RBMS1: variants seen among roughly 807,000 people sequenced by gnomAD.
The protein encoded by RBMS1 is RNA-binding motif, single-stranded-interacting protein 1.
RBMS1 carries 17 observed loss-of-function variants against 62.3 expected under a neutral mutation model. That is an observed-to-expected ratio of 0.27 (90% CI 0.19 to 0.41). RBMS1 has a LOEUF of 0.41. RBMS1 is among the 10% of genes least tolerant of loss of function. The pLI is 1.00. For missense variants in RBMS1, 334 were observed against 504.5 expected, an observed-to-expected ratio of 0.66 and a Z score of 3.24; for synonymous variants, 172 against 170.0, an observed-to-expected ratio of 1.01 and a Z score of -0.09.
intron 1 of RBMS1, among the ~76,000 whole-genome samples, chr2:160,438,788 C>T (rs6725287): frequency 0.11 from 16,928 of 152,234 alleles, 1,053 homozygotes; most frequent in East Asian, 0.24. Context: ...ACCTCCCAGA[C>T]GGGGTGGTGG....
intron 2 of RBMS1, among the ~76,000 whole-genome samples, chr2:160,334,478 G>T (rs1311018537): frequency 6.6e-6 from 1 of 152,152 alleles, no homozygotes; most frequent in Non-Finnish European, 1.5e-5. Flanking sequence ...AGGCAGAGGG[G>T]ACAAATGACT....
rs191053181 is a variant in RBMS1, at chr2:160,279,193, C to T, written c.952-535G>A. ...GATCAGGTTGTTAGGATCAAGAGCA[C>T]ATTTCTTCATTCACTCAGTGTTTCT... is the stretch of plus-strand genomic sequence containing the variant. On this transcript the variant is annotated intron_variant, in intron 10 of 13. Coordinates refer to ENST00000348849, the MANE Select transcript of RBMS1 (RefSeq NM_016836.4). The T allele has an allele frequency of 5.3e-5, 8 of 152,352 alleles. No homozygotes were observed. The East Asian group carries it at 1.5e-3, about 29-fold the overall frequency. 9.4% of individuals were successfully genotyped at this position (152,352 alleles called of 1,614,324 possible). A position where few individuals can be genotyped will look rare whatever the true frequency, so the allele number is the denominator to read the frequency against.
intron 1 of RBMS1, among the ~76,000 whole-genome samples, chr2:160,382,627 C>T (rs891920978): frequency 6.6e-6 from 1 of 152,180 alleles, no homozygotes; most frequent in African/African-American, 2.4e-5. Context: ...TCTGGTCAGG[C>T]AGTTGTTATT....
At chr2:160,334,341 G>A (rs976146885) in intron 2 of RBMS1, among the ~76,000 whole-genome samples, 2 of 152,174 alleles carry the variant, frequency 1.3e-5, no homozygotes, top group African/African-American at 4.8e-5. Flanking sequence ...AGAGAGCTAT[G>A]ACAAGTACTT....
Position 160,367,344 on chromosome 2 carries a change from G to A in RBMS1, c.123C>T (p.Thr41=), listed in dbSNP as rs1693455762. The A allele has an allele frequency of 6.2e-7, 1 of 1,614,026 alleles. No individual in the cohort carries two copies. The highest frequency in any genetic ancestry group is 8.5e-7 in the Non-Finnish European group (1 of 1,179,998). ...AHPMAPPSPS[T]TSSNNNSSSS... is the part of the protein sequence containing the mutation. Reference sequence around the variant, plus strand: ...TGCTACTGTTGTTATTACTGCTGGTGGTGCTGGGACTGGGAGGGGCCATGG... The same window carrying A: ...TGCTACTGTTGTTATTACTGCTGGTAGTGCTGGGACTGGGAGGGGCCATGG... The change falls in exon 2 of 14, where the codon ACC becomes ACT. Residue 41 remains threonine, a synonymous_variant. Coordinates refer to ENST00000348849, the MANE Select transcript of RBMS1 (RefSeq NM_016836.4).
intron 1 of RBMS1, among the ~76,000 whole-genome samples, chr2:160,399,055 G>A (rs1695304514): frequency 6.6e-6 from 1 of 152,086 alleles, no homozygotes; most frequent in African/African-American, 2.4e-5. Flanking sequence ...AACCTAACCT[G>A]AACTACCCAC....
At chr2:160,365,216 A>C (rs1559450420) in intron 2 of RBMS1, among the ~76,000 whole-genome samples, 1 of 152,220 alleles carries the variant, frequency 6.6e-6, no homozygotes, top group African/African-American at 2.4e-5. Context: ...AATGGAATGA[A>C]GTTTCCAGCA....
chr2:160,278,954 T>C (rs754229119), intron 10 of RBMS1: 44 of 227,466 alleles, frequency 1.9e-4, no homozygotes, highest in Non-Finnish European at 3.0e-4. Context: ...TTCCAGTAAC[T>C]GGAAGCAAGC....
At chr2:160,326,879 G>A (rs983970133) in intron 2 of RBMS1, among the ~76,000 whole-genome samples, 3 of 152,180 alleles carry the variant, frequency 2.0e-5, no homozygotes, top group Non-Finnish European at 2.9e-5. Context: ...CTGTGCAATG[G>A]AAAGCCAGTG....
intron 2 of RBMS1, among the ~76,000 whole-genome samples, chr2:160,349,364 G>A (rs1559422540): frequency 2.0e-5 from 3 of 152,062 alleles, no homozygotes; most frequent in Admixed American, 2.0e-4. Context: ...ATGACTTGAT[G>A]TGTTACAGAA....
intron 2 of RBMS1, among the ~76,000 whole-genome samples, chr2:160,356,121 C>A (rs550242285): frequency 6.6e-6 from 1 of 152,086 alleles, no homozygotes; most frequent in South Asian, 2.1e-4. Flanking sequence ...TATGCACAAA[C>A]CCTCTCAGGC....
intron 6 of RBMS1, among the ~76,000 whole-genome samples, chr2:160,292,715 A>C (rs1449470445): frequency 6.6e-6 from 1 of 152,204 alleles, no homozygotes; most frequent in Non-Finnish European, 1.5e-5. Flanking sequence ...CTGATCGTGA[A>C]AGGGTGTAAA....
intron 1 of RBMS1, among the ~76,000 whole-genome samples, chr2:160,411,031 C>T (rs1024954329): frequency 6.6e-6 from 1 of 152,272 alleles, no homozygotes; most frequent in South Asian, 2.1e-4. Flanking sequence ...CCTGAGCCAC[C>T]GCACCTCACC....
At chr2:160,484,870 CAA>C (rs756811005) in intron 1 of RBMS1, among the ~76,000 whole-genome samples, 1 of 129,332 alleles carries the variant, frequency 7.7e-6, no homozygotes, top group African/African-American at 2.8e-5. Context: ...GACTCCGTCT[CAA>C]AAAAAAAAAA....
chr2:160,373,370 T>C (rs1195385075), intron 1 of RBMS1, among the ~76,000 whole-genome samples: 1 of 152,238 alleles, frequency 6.6e-6, no homozygotes, highest in Non-Finnish European at 1.5e-5. Context: ...AAGACTTGCA[T>C]TGTTGAATAC....
chr2:160,366,174 T>C (rs1379772209), intron 2 of RBMS1, among the ~76,000 whole-genome samples: 1 of 151,868 alleles, frequency 6.6e-6, no homozygotes, highest in Middle Eastern at 3.2e-3. Flanking sequence ...CAACCATCAC[T>C]CCTTCCCCCA....
chr2:160,486,111 T>C (rs756368388), intron 1 of RBMS1, among the ~76,000 whole-genome samples: 3 of 152,298 alleles, frequency 2.0e-5, no homozygotes, highest in East Asian at 3.9e-4. Context: ...ATTCTACTGG[T>C]AAGGGAGGGT....
intron 1 of RBMS1, among the ~76,000 whole-genome samples, chr2:160,431,015 A>G (rs1682872253): frequency 6.6e-6 from 1 of 151,276 alleles, no homozygotes; most frequent in Admixed American, 6.6e-5. Context: ...TGACGGTCCC[A>G]GCAAGAGAAA....
At position 160,371,648 on chromosome 2, in the gene RBMS1, C is replaced by A. The variant is rs577981182; in HGVS notation, c.76-4257G>T. ...GAATAAAGGGGTGGTTGTATTAGACCCTCAGCCTTTCCTGCACGAGTGGTT... is the reference window on the plus strand; with the variant it reads ...GAATAAAGGGGTGGTTGTATTAGACACTCAGCCTTTCCTGCACGAGTGGTT... On this transcript the variant is annotated intron_variant, in intron 1 of 13. Coordinates refer to ENST00000348849, the MANE Select transcript of RBMS1 (RefSeq NM_016836.4). Among the ~76,000 whole-genome samples, 9 of 152,202 alleles carry A rather than the reference C, an allele frequency of 5.9e-5. No individual in the cohort carries two copies. The South Asian group carries it at 1.0e-3, about 18-fold the overall frequency.
Sources: gnomAD v4.1 joint callset for allele counts (sites outside exome capture counted in the v4.1 genomes callset) on GRCh38, gnomAD v4.1.1 for gene constraint, MANE v1.5 for transcripts, NCBI Gene and HGNC (gene_info 2026-07-23, HGNC 2026-07-21) for gene names.